Variants in NKAIN3 observed in about 807,000 individuals in gnomAD.
NKAIN3 encodes the protein sodium/potassium transporting ATPase interacting 3, also known as sodium/potassium-transporting ATPase subunit beta-1-interacting protein 3.
In NKAIN3, 25 loss-of-function variants were observed where a neutral mutation model predicts 30.2. That is an observed-to-expected ratio of 0.83 (90% CI 0.60 to 1.16). The LOEUF (loss-of-function observed/expected upper bound fraction) is 1.16. Among genes scored for constraint, NKAIN3 ranks in the 50% most tolerant of loss-of-function variants. The pLI is 0.00. For synonymous variants in NKAIN3, 91 were observed against 89.6 expected (o/e 1.02, Z -0.09); for missense variants, 225 against 254.1 (o/e 0.89, Z 0.78).
At chr8:62,889,160 G>A (rs529203605) in intron 4 of NKAIN3, among the ~76,000 whole-genome samples, 2 of 152,244 alleles carry the variant, frequency 1.3e-5, no homozygotes, top group South Asian at 2.1e-4. Context: ...CCTGAGATCA[G>A]GAGTTCGAGA....
At chr8:62,741,805 A>G (rs1029440314) in intron 3 of NKAIN3, among the ~76,000 whole-genome samples, 3 of 152,172 alleles carry the variant, frequency 2.0e-5, no homozygotes, top group Non-Finnish European at 2.9e-5. Context: ...TGCCTTGTGT[A>G]AATTTAATTC....
chr8:62,622,189 C>T (rs1811638034), intron 3 of NKAIN3, among the ~76,000 whole-genome samples: 1 of 151,810 alleles, frequency 6.6e-6, no homozygotes, highest in African/African-American at 2.4e-5. Flanking sequence ...AACCATTTAC[C>T]AAAGGATATC....
intron 4 of NKAIN3, among the ~76,000 whole-genome samples, chr8:62,753,694 T>G (rs1816358327): frequency 6.6e-6 from 1 of 152,138 alleles, no homozygotes; most frequent in South Asian, 2.1e-4. Flanking sequence ...CACTTATTGG[T>G]AGAAGCAGTC....
At position 62,787,604 on chromosome 8, in the gene NKAIN3, G is replaced by C. The variant is rs547428749; in HGVS notation, c.471+40475G>C. Reference sequence around the variant, plus strand: ...GCAGATTTGTTACATATGTATACATGTGCCATGTTGGTGTGCTGCACCCAT... The same window carrying C: ...GCAGATTTGTTACATATGTATACATCTGCCATGTTGGTGTGCTGCACCCAT... On this transcript the variant is annotated intron_variant, in intron 4 of 6. Transcript: ENST00000623646. Among the ~76,000 whole-genome samples the C allele has an allele frequency of 5.3e-5, 8 of 152,208 alleles. No individual in the cohort carries two copies. In the East Asian group the frequency reaches 1.5e-3, roughly 29 times the overall value.
intron 5 of NKAIN3, among the ~76,000 whole-genome samples, chr8:62,932,995 AACACACACACAC>A (rs59854103): frequency 1.6e-4 from 22 of 141,794 alleles, no homozygotes; most frequent in African/African-American, 5.1e-4. Flanking sequence ...TCACTCAATG[AACACACACACAC>A]ACACACACAC....
intron 4 of NKAIN3, among the ~76,000 whole-genome samples, chr8:62,798,957 A>G (rs1817962954): frequency 6.6e-6 from 1 of 152,158 alleles, no homozygotes; most frequent in Non-Finnish European, 1.5e-5. Flanking sequence ...CCTGACCTGG[A>G]GTCAAGGCAG....
intron 4 of NKAIN3, 41 bp downstream of exon 4, chr8:62,747,170 C>G: frequency 3.0e-6 from 4 of 1,355,070 alleles, no homozygotes; most frequent in Non-Finnish European, 4.2e-6. Flanking sequence ...CAGAACTCTT[C>G]TTTGCTGGCA....
At chr8:62,520,343 A>T (rs2129781728) in intron 1 of NKAIN3, among the ~76,000 whole-genome samples, 1 of 152,316 alleles carries the variant, frequency 6.6e-6, no homozygotes, top group Non-Finnish European at 1.5e-5. Context: ...ATTTTGATTT[A>T]GTTACATAAC....
chr8:62,911,191 G>T (rs1223127716), intron 4 of NKAIN3, among the ~76,000 whole-genome samples: 1 of 152,110 alleles, frequency 6.6e-6, no homozygotes, highest in East Asian at 1.9e-4. Context: ...TAGAACATTA[G>T]AAAATAATAT....
At chr8:62,692,598 A>AC in intron 3 of NKAIN3, among the ~76,000 whole-genome samples, 1 of 114,276 alleles carries the variant, frequency 8.8e-6, no homozygotes, top group Non-Finnish European at 1.6e-5. Context: ...ACTGATCCCC[A>AC]TTTCTTATTC....
chr8:62,306,197 T>G (rs1814234262), intron 1 of NKAIN3, among the ~76,000 whole-genome samples: 1 of 150,370 alleles, frequency 6.7e-6, no homozygotes, highest in South Asian at 2.1e-4. Context: ...GTGCAGACTT[T>G]TGTTTTCACA....
At chr8:62,401,823 G>T (rs1308934182) in intron 1 of NKAIN3, among the ~76,000 whole-genome samples, 2 of 152,150 alleles carry the variant, frequency 1.3e-5, no homozygotes, top group Admixed American at 6.5e-5. Context: ...CTAGGGCTGG[G>T]AAAGGCGGTG....
chr8:62,336,559 C>A (rs1243495023), intron 1 of NKAIN3, among the ~76,000 whole-genome samples: 1 of 151,894 alleles, frequency 6.6e-6, no homozygotes, highest in Non-Finnish European at 1.5e-5. Flanking sequence ...GCCCTTCTAG[C>A]TTCTGTCCAC....
intron 2 of NKAIN3, among the ~76,000 whole-genome samples, chr8:62,582,146 CCTT>C (rs149390492): frequency 0.37 from 54,338 of 148,266 alleles, 11,796 homozygotes; most frequent in Non-Finnish European, 0.49. Context: ...TTCCTTCCTT[CCTT>C]CTTCTTTCCC....
chr8:62,704,886 A>T (rs934542491), intron 3 of NKAIN3, among the ~76,000 whole-genome samples: 1 of 152,214 alleles, frequency 6.6e-6, no homozygotes, highest in East Asian at 1.9e-4. Context: ...TTGTTGAGTG[A>T]ATAAATGATT....
intron 1 of NKAIN3, among the ~76,000 whole-genome samples, chr8:62,453,273 T>A (rs1805708502): frequency 6.6e-6 from 1 of 152,182 alleles, no homozygotes. Context: ...AACCTGTTTC[T>A]GAGTGACTTC....
intron 1 of NKAIN3, among the ~76,000 whole-genome samples, chr8:62,274,034 A>G (rs1812853208): frequency 6.6e-6 from 1 of 152,126 alleles, no homozygotes; most frequent in African/African-American, 2.4e-5. Context: ...TTATTTGGGT[A>G]TTCTTTTTCT....
At chr8:62,844,434 T>C (rs772243207) in intron 4 of NKAIN3, among the ~76,000 whole-genome samples, 6 of 152,180 alleles carry the variant, frequency 3.9e-5, no homozygotes, top group Non-Finnish European at 7.3e-5. Context: ...TTCAGAAAAT[T>C]TCAGATTAAC....
intron 1 of NKAIN3, among the ~76,000 whole-genome samples, chr8:62,455,286 G>T (rs1026195531): frequency 4.6e-5 from 7 of 152,324 alleles, no homozygotes; most frequent in South Asian, 2.1e-4. Flanking sequence ...ATCAGTGGTG[G>T]ATTGGATAAA....
Sources: gnomAD v4.1 joint callset for allele counts (sites outside exome capture counted in the v4.1 genomes callset) on GRCh38, gnomAD v4.1.1 for gene constraint, MANE v1.5 for transcripts, NCBI Gene and HGNC (gene_info 2026-07-23, HGNC 2026-07-21) for gene names.